The following DRC1 variants were observed in gnomAD, a reference collection of about 807,000 sequenced individuals.
The protein encoded by DRC1 is dynein regulatory complex subunit 1.
Under a neutral mutation model 98.7 loss-of-function variants are expected in DRC1, and 74 were observed. The observed-to-expected ratio is 0.75, with a 90% CI of 0.62 to 0.91. DRC1 has a LOEUF of 0.91. DRC1 is among the 40% of genes least tolerant of loss of function. DRC1 has a pLI of 0.00. For missense variants in DRC1, 875 were observed against 886.0 expected (o/e 0.99, Z 0.16); for synonymous variants, 336 against 334.1 (o/e 1.01, Z -0.06).
chr2:26,402,141 G>A lies in DRC1; in HGVS notation c.152G>A (p.Arg51Lys), dbSNP rs776582144. ...ATCGCTGCGCGCTTAGAAGCCCGGA[G>A]GCGGTGAGCGCGGGGGCGGGCGGGG... is the stretch of plus-strand genomic sequence containing the variant. ...LRIAARLEARRREALGEYLDG... is the reference protein window; with the variant it reads ...LRIAARLEARKREALGEYLDG... The change falls in exon 1 of 17, where the codon AGG becomes AAG. Residue 51 changes from arginine to lysine, a missense_variant. Arg to Lys is a conservative substitution (Grantham distance 26). Coordinates refer to ENST00000288710, the MANE Select transcript of DRC1 (RefSeq NM_145038.5). 5.0e-6 allele frequency: 8 copies of A among 1,602,170 alleles called. No individual in the cohort carries two copies. In the South Asian group the frequency reaches 7.8e-5, roughly 16 times the overall value.
chr2:26,428,675 G>T (rs1663347448), intron 4 of DRC1, among the ~76,000 whole-genome samples: 1 of 152,086 alleles, frequency 6.6e-6, no homozygotes, highest in African/African-American at 2.4e-5. Flanking sequence ...ATGGGCGCCT[G>T]TAGTCCCAGC....
At chr2:26,421,086 A>G (rs1418031079) in intron 2 of DRC1, 2 of 423,026 alleles carry the variant, frequency 4.7e-6, no homozygotes, top group African/African-American at 4.1e-5. Flanking sequence ...GTGCTTTTAA[A>G]TTGTGAGCTG....
chr2:26,421,391 A>G lies in DRC1; in HGVS notation c.347A>G (p.Lys116Arg). The change falls in exon 3 of 17, where the codon AAG becomes AGG. Residue 116 changes from lysine (K) to arginine (R), a missense_variant. Lys to Arg is a conservative substitution (Grantham distance 26). Coordinates refer to ENST00000288710, the MANE Select transcript of DRC1 (RefSeq NM_145038.5). ...IHRRVEEEEIKRQRIEKLENE... is the reference protein window; with the variant it reads ...IHRRVEEEEIRRQRIEKLENE... Reference sequence around the variant, plus strand: ...AGGAGAGTCGAAGAAGAGGAGATAAAGCGTCAAAGGTAAGGACTGTGCTAC... The same window carrying G: ...AGGAGAGTCGAAGAAGAGGAGATAAGGCGTCAAAGGTAAGGACTGTGCTAC... 5 of 1,612,840 alleles carry G rather than the reference A, an allele frequency of 3.1e-6. No homozygotes were observed. Among genetic ancestry groups the G allele is most frequent in the Non-Finnish European group, 4.2e-6 (5 of 1,179,184 alleles).
intron 9 of DRC1, among the ~76,000 whole-genome samples, 160 bp from the exon 10 acceptor site, chr2:26,444,556 G>A (rs1663802182): frequency 6.6e-6 from 1 of 152,198 alleles, no homozygotes; most frequent in Admixed American, 6.5e-5. Context: ...GTGTTGGGAT[G>A]GCTTCCAGTT....
chr2:26,413,761 C>A (rs1296707495), intron 1 of DRC1, among the ~76,000 whole-genome samples: 3 of 152,044 alleles, frequency 2.0e-5, no homozygotes, highest in Non-Finnish European at 4.4e-5. Flanking sequence ...TATCCCTTGA[C>A]TTTCAAGGAT....
intron 13 of DRC1, among the ~76,000 whole-genome samples, chr2:26,452,326 G>T (rs1399658356): frequency 6.6e-6 from 1 of 152,102 alleles, no homozygotes; most frequent in African/African-American, 2.4e-5. Context: ...CACGATCTCG[G>T]CTCACTACAA....
intron 7 of DRC1, among the ~76,000 whole-genome samples, chr2:26,436,119 T>C (rs1339629028): frequency 6.6e-6 from 1 of 151,570 alleles, no homozygotes; most frequent in Non-Finnish European, 1.5e-5. Context: ...CACCAGCATC[T>C]CCTGTTTCTT....
intron 1 of DRC1, among the ~76,000 whole-genome samples, chr2:26,404,687 T>A (rs1678363081): frequency 6.6e-6 from 1 of 152,250 alleles, no homozygotes. Context: ...GTTTCAGAGA[T>A]GTCCTTTTGG....
chr2:26,449,782 C>CCTGGCCTTGCTTGTCT (rs1260630842), intron 11 of DRC1, among the ~76,000 whole-genome samples: 2 of 152,114 alleles, frequency 1.3e-5, no homozygotes, highest in Non-Finnish European at 2.9e-5. Context: ...GGGCTTTGTC[C>CCTGGCCTTGCTTGTCT]CTGGCCTTGC....
At chr2:26,432,427 A>C (rs1266112027) in intron 7 of DRC1, among the ~76,000 whole-genome samples, 1 of 152,140 alleles carries the variant, frequency 6.6e-6, no homozygotes, top group Non-Finnish European at 1.5e-5. Context: ...TGAGCCCAGG[A>C]GTTTAAGGCT....
Position 26,447,190 on chromosome 2 carries a change from G to A in DRC1, c.1397-1501G>A, listed in dbSNP as rs143935581. Reference sequence around the variant, plus strand: ...AGCACTTTGGGAGGCCAAGATGGGCGGATCATGAGGTCAGGAGTTTGAGAC... The same window carrying A: ...AGCACTTTGGGAGGCCAAGATGGGCAGATCATGAGGTCAGGAGTTTGAGAC... On this transcript the variant is annotated intron_variant, in intron 10 of 16. Transcript: ENST00000288710. 5.4e-3 allele frequency among the ~76,000 whole-genome samples: 826 copies of A among 152,070 alleles called. 6 individuals are homozygous for A. Among genetic ancestry groups the A allele is most frequent in the African/African-American group, 0.019 (777 of 41,472 alleles).
intron 4 of DRC1, among the ~76,000 whole-genome samples, chr2:26,425,054 A>G (rs1460945522): frequency 1.3e-5 from 2 of 152,170 alleles, no homozygotes; most frequent in Non-Finnish European, 2.9e-5. Flanking sequence ...CAGCATGGAA[A>G]TTCTATGCCC....
chr2:26,414,315 T>G, intron 1 of DRC1, 29 bp from the exon 2 acceptor site: 2 of 1,610,414 alleles, frequency 1.2e-6, no homozygotes, highest in Non-Finnish European at 1.7e-6. Flanking sequence ...TAGAAATAAC[T>G]TCATTTTCTC....
intron 10 of DRC1, among the ~76,000 whole-genome samples, chr2:26,447,338 G>A (rs142619452): frequency 0.047 from 7,096 of 151,960 alleles, 221 homozygotes; most frequent in Non-Finnish European, 0.069. Flanking sequence ...ACTTGAACCC[G>A]GGAGGTGGAG....
At chr2:26,415,698 G>A (rs369515475) in intron 2 of DRC1, among the ~76,000 whole-genome samples, 3 of 152,244 alleles carry the variant, frequency 2.0e-5, no homozygotes, top group East Asian at 3.9e-4. Flanking sequence ...TTGGGAGGCC[G>A]AGGCGAGCGG....
rs774673149 is a variant in DRC1, at chr2:26,421,444, C to T, written c.356+44C>T. 3.9e-6 allele frequency: 6 copies of T among 1,548,634 alleles called. No individual in the cohort carries two copies. The East Asian group carries it at 1.1e-4, about 29-fold the overall frequency. On this transcript the variant is annotated intron_variant, in intron 3 of 16. Coordinates refer to ENST00000288710, the MANE Select transcript of DRC1 (RefSeq NM_145038.5). Reference sequence around the variant, plus strand: ...TGCAGCTGGTGGACATGAAGGTAATCTCCATGGGTCCGGCAGTTCTCCCGA... The same window carrying T: ...TGCAGCTGGTGGACATGAAGGTAATTTCCATGGGTCCGGCAGTTCTCCCGA...
chr2:26,418,539 A>G (rs1408257407), intron 2 of DRC1, among the ~76,000 whole-genome samples: 1 of 116,052 alleles, frequency 8.6e-6, no homozygotes, highest in Non-Finnish European at 1.6e-5. Context: ...TATACAATAT[A>G]TTATAAATTA....
chr2:26,439,936 T>TACACAC (rs1553342452), intron 7 of DRC1, among the ~76,000 whole-genome samples: 77 of 75,372 alleles, frequency 1.0e-3, no homozygotes, highest in South Asian at 1.6e-3. Flanking sequence ...TATATATATA[T>TACACAC]ACACACACAC....
At chr2:26,425,874 GA>G (rs1299672464) in intron 4 of DRC1, among the ~76,000 whole-genome samples, 1 of 151,662 alleles carries the variant, frequency 6.6e-6, no homozygotes, top group Non-Finnish European at 1.5e-5. Context: ...TCTTAGTCTT[GA>G]TTTTTTTTTT....
Sources: gnomAD v4.1 joint callset for allele counts (sites outside exome capture counted in the v4.1 genomes callset) on GRCh38, gnomAD v4.1.1 for gene constraint, MANE v1.5 for transcripts, NCBI Gene and HGNC (gene_info 2026-07-23, HGNC 2026-07-21) for gene names.